Variants in DCC observed in about 807,000 individuals in gnomAD.
DCC encodes netrin receptor DCC.
DCC carries 58 observed loss-of-function variants against 172.5 expected under a neutral mutation model. The ratio of observed to expected loss-of-function variants is 0.34; its 90% confidence interval spans 0.27 to 0.42. The LOEUF (loss-of-function observed/expected upper bound fraction) is 0.42. DCC is among the 10% of genes least tolerant of loss of function. DCC has a pLI of 1.00. For synonymous variants in DCC, 709 were observed against 644.5 expected, an observed-to-expected ratio of 1.10 and a Z score of -1.52; for missense variants, 1,740 against 1,791.0, an observed-to-expected ratio of 0.97 and a Z score of 0.51.
intron 1 of DCC, among the ~76,000 whole-genome samples, chr18:52,642,303 G>C (rs983707568): frequency 1.3e-5 from 2 of 151,704 alleles, no homozygotes; most frequent in African/African-American, 4.9e-5. Flanking sequence ...TGATGCAATG[G>C]GCTTTGGGGA....
At chr18:53,014,510 A>C (rs962591292) in intron 5 of DCC, among the ~76,000 whole-genome samples, 1 of 132,710 alleles carries the variant, frequency 7.5e-6, no homozygotes, top group Non-Finnish European at 1.5e-5. Flanking sequence ...TCATTGTTCA[A>C]TTCCCACCTA....
chr18:52,979,087 G>A (rs974095344), intron 5 of DCC, among the ~76,000 whole-genome samples: 1 of 152,094 alleles, frequency 6.6e-6, no homozygotes, highest in African/African-American at 2.4e-5. Context: ...CATGTGTGAA[G>A]GAAGGGTACA....
At position 52,529,376 on chromosome 18, in the gene DCC, C is replaced by T. The variant is rs2032079716; in HGVS notation, c.91+188498C>T. Among the ~76,000 whole-genome samples the T allele has an allele frequency of 1.3e-5, 2 of 152,086 alleles. 1 individual carries two copies. The highest frequency in any genetic ancestry group is 4.2e-4 in the South Asian group (2 of 4,818). On this transcript the variant is annotated intron_variant, in intron 1 of 28. Transcript: ENST00000442544. Reference sequence around the variant, plus strand: ...CACGATCTCAGCTCACTGCAAGCTCCGCCTCCCGGGTTCACGCCATTCTCC... The same window carrying T: ...CACGATCTCAGCTCACTGCAAGCTCTGCCTCCCGGGTTCACGCCATTCTCC...
At chr18:52,651,502 T>C (rs1159935812) in intron 1 of DCC, among the ~76,000 whole-genome samples, 3 of 150,082 alleles carry the variant, frequency 2.0e-5, no homozygotes, top group Non-Finnish European at 4.5e-5. Context: ...TTAAAATCTT[T>C]TTTTTTTTTT....
intron 1 of DCC, among the ~76,000 whole-genome samples, chr18:52,449,604 G>A (rs1364544359): frequency 6.6e-6 from 1 of 152,188 alleles, no homozygotes; most frequent in Non-Finnish European, 1.5e-5. Flanking sequence ...AGGAAGACTG[G>A]TTGGGAGTGA....
At position 53,022,847 on chromosome 18, in the gene DCC, TCAAA is replaced by T. The variant is rs1355466316; in HGVS notation, c.986-40454_986-40451del. ...AAAAAATCCTGAAAATGAAAAAAAA[TCAAA>T]CAATAATAAGTTTTGTATTATTGGA... On this transcript the variant is annotated intron_variant, in intron 5 of 28. Coordinates refer to ENST00000442544, the MANE Select transcript of DCC (RefSeq NM_005215.4). 2.0e-5 allele frequency among the ~76,000 whole-genome samples: 3 copies of T among 151,920 alleles called. No individual in the cohort carries two copies. The East Asian group carries it at 5.8e-4, about 29-fold the overall frequency.
chr18:53,141,205 C>T (rs866941046), intron 7 of DCC, among the ~76,000 whole-genome samples: 9 of 152,168 alleles, frequency 5.9e-5, no homozygotes, highest in East Asian at 1.9e-4. Context: ...AAGTCCCTAG[C>T]GACCTCTGTT....
At chr18:53,480,818 C>G (rs975525294) in intron 25 of DCC, 1 of 152,236 alleles carries the variant, frequency 6.6e-6, no homozygotes, top group South Asian at 2.1e-4. Context: ...ACAAATTACT[C>G]CCAAAATGTA....
At chr18:52,489,828 C>T (rs2030413844) in intron 1 of DCC, among the ~76,000 whole-genome samples, 1 of 152,076 alleles carries the variant, frequency 6.6e-6, no homozygotes, top group African/African-American at 2.4e-5. Flanking sequence ...AAGTCTAAGA[C>T]CCGACACCAC....
At chr18:52,954,331 A>G (rs528075862) in intron 5 of DCC, among the ~76,000 whole-genome samples, 2 of 152,300 alleles carry the variant, frequency 1.3e-5, no homozygotes, top group East Asian at 3.9e-4. Context: ...TGGAGATGAA[A>G]TAATCATACT....
intron 1 of DCC, among the ~76,000 whole-genome samples, chr18:52,431,684 T>C (rs1377713054): frequency 6.6e-6 from 1 of 152,016 alleles, no homozygotes; most frequent in Admixed American, 6.6e-5. Context: ...CAGTGAAGGG[T>C]CGTAGCTCCA....
chr18:53,501,202 A>G (rs1387120868), intron 27 of DCC, among the ~76,000 whole-genome samples: 1 of 152,226 alleles, frequency 6.6e-6, no homozygotes, highest in Non-Finnish European at 1.5e-5. Flanking sequence ...TAGGACAGGC[A>G]TGATTCTGAA....
chr18:52,470,333 G>T (rs1395290292), intron 1 of DCC, among the ~76,000 whole-genome samples: 2 of 152,044 alleles, frequency 1.3e-5, no homozygotes, highest in Non-Finnish European at 2.9e-5. Context: ...GCAGAAGTTG[G>T]GTTCCAGAGA....
chr18:52,807,141 G>T (rs1289078615), intron 2 of DCC, among the ~76,000 whole-genome samples: 1 of 152,222 alleles, frequency 6.6e-6, no homozygotes, highest in Non-Finnish European at 1.5e-5. Flanking sequence ...GTTGCAGTGA[G>T]CCGAGGTCGC....
intron 7 of DCC, among the ~76,000 whole-genome samples, chr18:53,066,934 C>CAA (rs1175384288): frequency 6.6e-6 from 1 of 151,844 alleles, no homozygotes; most frequent in Non-Finnish European, 1.5e-5. Context: ...GCAGGAGAAA[C>CAA]AGAGAAAGAG....
Position 52,791,853 on chromosome 18 carries a change from C to T in DCC, c.412+39479C>T, listed in dbSNP as rs1012291106. Among the ~76,000 whole-genome samples the T allele has an allele frequency of 5.3e-5, 8 of 152,192 alleles. 1 individual carries two copies. The Middle Eastern group carries it at 0.01, about 194-fold the overall frequency. On this transcript the variant is annotated intron_variant, in intron 2 of 28. Transcript: ENST00000442544. ...TTAAAATACCCTTACTAATTAAGTA[C>T]TATTCTAAATGGAAGCAGAATACGT...
rs147348470 is a variant in DCC at position 53,188,230 on chromosome 18, T to A, written c.1573+9114T>A. 4.2e-3 allele frequency among the ~76,000 whole-genome samples: 644 copies of A among 152,318 alleles called. 6 individuals carry two copies. Among genetic ancestry groups the A allele is most frequent in the African/African-American group, 0.015 (630 of 41,566 alleles). On this transcript the variant is annotated intron_variant, in intron 9 of 28. Coordinates refer to ENST00000442544, the MANE Select transcript of DCC (RefSeq NM_005215.4). ...AGAGCTTTTAAGGCTAGCCATAGAATACGTCAGTGCATTAGTGAGAGCCCA... is the reference window on the plus strand; with the variant it reads ...AGAGCTTTTAAGGCTAGCCATAGAAAACGTCAGTGCATTAGTGAGAGCCCA...
At chr18:52,999,927 T>A (rs2041538260) in intron 5 of DCC, among the ~76,000 whole-genome samples, 1 of 151,896 alleles carries the variant, frequency 6.6e-6, no homozygotes, top group Non-Finnish European at 1.5e-5. Context: ...GGTGTCTTTA[T>A]AAGGGAATAC....
chr18:52,805,644 A>G (rs1245545166), intron 2 of DCC, among the ~76,000 whole-genome samples: 2 of 152,226 alleles, frequency 1.3e-5, no homozygotes, highest in African/African-American at 2.4e-5. Context: ...TTTAAAGTCT[A>G]CCAAAGAAAC....
Sources: allele counts gnomAD v4.1 joint callset (sites outside exome capture counted in the v4.1 genomes callset), GRCh38; gene constraint gnomAD v4.1.1; transcripts MANE v1.5; gene names NCBI Gene and HGNC (gene_info 2026-07-23, HGNC 2026-07-21).